The following EEFSEC variants were observed in gnomAD, a reference collection of about 807,000 sequenced individuals.
The protein encoded by EEFSEC is selenocysteine-specific elongation factor.
In EEFSEC, 43 loss-of-function variants were observed where a neutral mutation model predicts 42.1. The ratio of observed to expected loss-of-function variants is 1.02; its 90% CI spans 0.80 to 1.32. The LOEUF (loss-of-function observed/expected upper bound fraction) is 1.32, where lower values mean the gene tolerates loss of function less well. Ranked by LOEUF, EEFSEC falls within the 40% of genes most tolerant of loss-of-function variation. The pLI is 0.00. For missense variants in EEFSEC, 745 were observed against 803.6 expected (o/e 0.93, Z 0.88); for synonymous variants, 354 against 339.1 (o/e 1.04, Z -0.48).
intron 6 of EEFSEC, among the ~76,000 whole-genome samples, chr3:128,371,108 G>A (rs1401507796): frequency 6.6e-6 from 1 of 151,886 alleles, no homozygotes; most frequent in East Asian, 1.9e-4. Flanking sequence ...TGGTTTTGGA[G>A]CAGTTTTTTT....
chr3:128,282,634 G>A (rs547130080), intron 4 of EEFSEC, among the ~76,000 whole-genome samples: 7 of 152,298 alleles, frequency 4.6e-5, no homozygotes, highest in African/African-American at 1.7e-4. Context: ...AGGGGGACTG[G>A]GGAAGCTGCC....
At chr3:128,281,889 CCT>C (rs2107967505) in intron 4 of EEFSEC, among the ~76,000 whole-genome samples, 2 of 152,316 alleles carry the variant, frequency 1.3e-5, no homozygotes, top group Admixed American at 1.3e-4. Flanking sequence ...GGGGCGTTCC[CCT>C]GAGTTAGTGG....
At chr3:128,404,924 C>T (rs779509171) in intron 6 of EEFSEC, among the ~76,000 whole-genome samples, 4 of 152,122 alleles carry the variant, frequency 2.6e-5, no homozygotes, top group Admixed American at 6.5e-5. Context: ...ATCTCACTTC[C>T]GCCTGCCAGA....
intron 6 of EEFSEC, among the ~76,000 whole-genome samples, chr3:128,403,081 G>T (rs7626317): frequency 0.04 from 6,061 of 152,166 alleles, 399 homozygotes; most frequent in African/African-American, 0.14. Flanking sequence ...CTAAACAAGG[G>T]GGTCACAAAG....
intron 2 of EEFSEC, among the ~76,000 whole-genome samples, chr3:128,248,258 C>T (rs1244105851): frequency 6.6e-6 from 1 of 152,222 alleles, no homozygotes; most frequent in Non-Finnish European, 1.5e-5. Context: ...TATCCTGCCA[C>T]TTCCACCTCT....
At chr3:128,373,179 C>T (rs539121966) in intron 6 of EEFSEC, among the ~76,000 whole-genome samples, 1 of 152,298 alleles carries the variant, frequency 6.6e-6, no homozygotes, top group Admixed American at 6.5e-5. Context: ...CAGGATTTTA[C>T]CCCATTTTGT....
At chr3:128,412,537 G>A (rs2068181101), downstream of EEFSEC, among the ~76,000 whole-genome samples, 1 of 152,178 alleles carries the variant, frequency 6.6e-6, no homozygotes, top group Non-Finnish European at 1.5e-5. Context: ...GGGCAAGGAA[G>A]GGTGGCACCT....
At chr3:128,270,276 G>A (rs1559895215) in intron 4 of EEFSEC, among the ~76,000 whole-genome samples, 2 of 152,180 alleles carry the variant, frequency 1.3e-5, no homozygotes, top group Admixed American at 1.3e-4. Context: ...AAGTGTCAGG[G>A]CACCTTCCTG....
chr3:128,190,495 T>G (rs2107802820), intron 1 of EEFSEC, among the ~76,000 whole-genome samples: 1 of 152,310 alleles, frequency 6.6e-6, no homozygotes, highest in Admixed American at 6.5e-5. Context: ...CTGTACAGTG[T>G]GTTTGTGTTT....
intron 6 of EEFSEC, among the ~76,000 whole-genome samples, chr3:128,370,557 A>G (rs2067641773): frequency 6.6e-6 from 1 of 152,116 alleles, no homozygotes; most frequent in Admixed American, 6.5e-5. Context: ...CCATATCCCC[A>G]TGGGGCTAAG....
intron 1 of EEFSEC, 60 bp from the exon 2 acceptor site, chr3:128,246,775 CA>C: frequency 2.5e-6 from 4 of 1,585,866 alleles, no homozygotes; most frequent in Non-Finnish European, 3.5e-6. Context: ...GGGCATTGGG[CA>C]ACTTTCTGTG....
intron 4 of EEFSEC, among the ~76,000 whole-genome samples, chr3:128,337,657 C>T (rs1171041900): frequency 1.3e-5 from 2 of 152,210 alleles, no homozygotes; most frequent in East Asian, 3.8e-4. Flanking sequence ...CTGGACCTGT[C>T]ACAACCAGGT....
In EEFSEC at chr3:128,255,574, G is replaced by A. The variant is rs189160339; in HGVS notation, c.525-6554G>A. Among the ~76,000 whole-genome samples, 27 of 152,326 alleles carry A rather than the reference G, an allele frequency of 1.8e-4. No homozygotes were observed. In the East Asian group the frequency reaches 5.2e-3, roughly 29 times the overall value. On this transcript the variant is annotated intron_variant, in intron 2 of 6. Transcript: ENST00000254730. ...TGTGTATTCATTGTGCACGTTCCGTGGAGACTGGCGCAGAGGAAGTACTTA... is the reference window on the plus strand; with the variant it reads ...TGTGTATTCATTGTGCACGTTCCGTAGAGACTGGCGCAGAGGAAGTACTTA...
At chr3:128,348,409 T>C (rs1290442323) in intron 5 of EEFSEC, among the ~76,000 whole-genome samples, 1 of 152,110 alleles carries the variant, frequency 6.6e-6, no homozygotes, top group Non-Finnish European at 1.5e-5. Context: ...ATTTTTCTCT[T>C]TTTCAGTGTT....
chr3:128,191,450 G>C (rs2065523652), intron 1 of EEFSEC, among the ~76,000 whole-genome samples: 1 of 151,796 alleles, frequency 6.6e-6, no homozygotes, highest in Non-Finnish European at 1.5e-5. Context: ...TGGCCTGGGG[G>C]TATTTTTTTT....
At chr3:128,265,349 G>A (rs2066343340) in intron 4 of EEFSEC, among the ~76,000 whole-genome samples, 1 of 152,158 alleles carries the variant, frequency 6.6e-6, no homozygotes, top group South Asian at 2.1e-4. Context: ...CCTGTGAGAA[G>A]GATGAGTGGT....
chr3:128,273,958 C>T (rs922224312), intron 4 of EEFSEC, among the ~76,000 whole-genome samples: 1 of 152,200 alleles, frequency 6.6e-6, no homozygotes, highest in Non-Finnish European at 1.5e-5. Context: ...GGTTGACCTG[C>T]AGCCTCCCAA....
At chr3:128,300,643 G>A (rs1313387481) in intron 4 of EEFSEC, among the ~76,000 whole-genome samples, 1 of 151,632 alleles carries the variant, frequency 6.6e-6, no homozygotes, top group African/African-American at 2.4e-5. Context: ...TGTTCCCATG[G>A]CTTCTACAAT....
intron 1 of EEFSEC, among the ~76,000 whole-genome samples, chr3:128,199,043 G>A (rs2065616884): frequency 6.6e-6 from 1 of 152,132 alleles, no homozygotes; most frequent in Admixed American, 6.5e-5. Flanking sequence ...TGTTGACCAG[G>A]CTGGTCTCCA....
Sources: allele counts gnomAD v4.1 joint callset (sites outside exome capture counted in the v4.1 genomes callset), GRCh38; gene constraint gnomAD v4.1.1; transcripts MANE v1.5; gene names NCBI Gene and HGNC (gene_info 2026-07-23, HGNC 2026-07-21).